EHMT1: variants seen among roughly 807,000 people sequenced by gnomAD.
EHMT1 encodes histone-lysine N-methyltransferase EHMT1.
EHMT1 carries 15 observed loss-of-function variants against 147.2 expected under a neutral mutation model. The observed-to-expected ratio is 0.10, with a 90% CI of 0.07 to 0.16. The LOEUF is 0.16. EHMT1 is among the 10% of genes least tolerant of loss of function. The pLI, the probability that EHMT1 is intolerant of heterozygous loss-of-function variation, is 1.00. For missense variants in EHMT1, 1,587 were observed against 1,772.4 expected, an observed-to-expected ratio of 0.90 and a Z score of 1.88; for synonymous variants, 795 against 709.6, an observed-to-expected ratio of 1.12 and a Z score of -1.91.
intron 25 of EHMT1, among the ~76,000 whole-genome samples, chr9:137,831,505 A>T (rs537143589): frequency 4.6e-5 from 7 of 152,234 alleles, no homozygotes; most frequent in Non-Finnish European, 1.0e-4. Context: ...GATTCTGTTC[A>T]TCCACCCAGT....
intron 6 of EHMT1, among the ~76,000 whole-genome samples, chr9:137,750,728 T>C (rs926332282): frequency 2.6e-5 from 4 of 151,882 alleles, no homozygotes; most frequent in African/African-American, 7.3e-5. Context: ...CTGTGCACAG[T>C]GGGGGACACC....
At chr9:137,688,182 C>G (rs759261701) in intron 1 of EHMT1, among the ~76,000 whole-genome samples, 1 of 152,120 alleles carries the variant, frequency 6.6e-6, no homozygotes, top group Non-Finnish European at 1.5e-5. Context: ...CGCCACCACG[C>G]CTGGCTAATT....
At chr9:137,823,244 GC>G (rs1213040454) in intron 25 of EHMT1, among the ~76,000 whole-genome samples, 1 of 151,318 alleles carries the variant, frequency 6.6e-6, no homozygotes, top group African/African-American at 2.4e-5. Flanking sequence ...GACTACAGGC[GC>G]CCACCACCAC....
intron 2 of EHMT1, among the ~76,000 whole-genome samples, chr9:137,713,572 C>A (rs905721984): frequency 6.6e-6 from 1 of 151,668 alleles, no homozygotes; most frequent in African/African-American, 2.4e-5. Context: ...TGCCTGGCCC[C>A]TAAGTATTAT....
intron 16 of EHMT1, among the ~76,000 whole-genome samples, chr9:137,796,033 T>A (rs1232793314): frequency 6.6e-6 from 1 of 152,224 alleles, no homozygotes. Context: ...GCAGACTCGC[T>A]CTCATCCTAA....
intron 1 of EHMT1, among the ~76,000 whole-genome samples, chr9:137,625,057 TTTTCGGTAGAGATGGGG>T (rs1255813782): frequency 6.6e-6 from 1 of 151,766 alleles, no homozygotes; most frequent in Admixed American, 6.6e-5. Flanking sequence ...AATTTTTGTA[TTTTCGGTAGAGATGGGG>T]TTTCGCCATA....
chr9:137,808,498 G>T (rs965139276), intron 18 of EHMT1, among the ~76,000 whole-genome samples: 6 of 152,134 alleles, frequency 3.9e-5, no homozygotes, highest in Non-Finnish European at 8.8e-5. Context: ...AGGTGGGAAG[G>T]TAAACCTGTT....
At chr9:137,745,372 A>T (rs1254471282) in intron 6 of EHMT1, 1 of 393,246 alleles carries the variant, frequency 2.5e-6, no homozygotes, top group Admixed American at 4.4e-5. Context: ...TAGCTTGATT[A>T]TTTAAAAATT....
chr9:137,634,011 C>T (rs949393609), intron 1 of EHMT1, among the ~76,000 whole-genome samples: 14 of 152,188 alleles, frequency 9.2e-5, no homozygotes, highest in South Asian at 2.1e-4. Flanking sequence ...CAGGGTTTCA[C>T]CATGTTGTTC....
intron 1 of EHMT1, among the ~76,000 whole-genome samples, chr9:137,692,305 T>A (rs1378818599): frequency 2.7e-5 from 4 of 149,562 alleles, no homozygotes; most frequent in Non-Finnish European, 5.9e-5. Context: ...CACTCTGTTG[T>A]CCAGGCTGGA....
At chr9:137,824,699 C>A (rs74883427) in intron 25 of EHMT1, among the ~76,000 whole-genome samples, 1 of 152,048 alleles carries the variant, frequency 6.6e-6, no homozygotes, top group Non-Finnish European at 1.5e-5. Context: ...GTAGATCTTA[C>A]ACTGTGTTTT....
intron 1 of EHMT1, among the ~76,000 whole-genome samples, chr9:137,636,646 C>T (rs955060873): frequency 6.6e-6 from 1 of 152,064 alleles, no homozygotes; most frequent in Non-Finnish European, 1.5e-5. Context: ...TATCTGTTGA[C>T]ATGATTATGT....
chr9:137,754,964 G>A (rs1278766411), intron 8 of EHMT1, among the ~76,000 whole-genome samples: 2 of 152,180 alleles, frequency 1.3e-5, no homozygotes, highest in African/African-American at 4.8e-5. Context: ...AGAGTCCCCT[G>A]TTCCAGAGGA....
chr9:137,657,785 C>G (rs1938625879), intron 1 of EHMT1, among the ~76,000 whole-genome samples: 2 of 151,836 alleles, frequency 1.3e-5, no homozygotes, highest in Admixed American at 6.6e-5. Context: ...GCCCATGAAC[C>G]ATTTCTACCC....
At position 137,716,767 on chromosome 9, in the gene EHMT1, G is replaced by T. The variant is rs769936031; in HGVS notation, c.227G>T (p.Ser76Ile). 1 of 1,612,934 alleles carries T rather than the reference G, an allele frequency of 6.2e-7. No individual in the cohort carries two copies. Among genetic ancestry groups the T allele is most frequent in the African/African-American group, 1.3e-5 (1 of 74,870 alleles). Residue 76 changes from serine (S) to isoleucine (I), a missense_variant, in exon 3 of 27, where the codon AGC (serine) becomes ATC (isoleucine). Transcript: ENST00000460843. ...AATGCTGCAAAGCACACTCAGGACA[G>T]CGCAAGGGTCAACCCCCAGGATGGC... The part of the protein sequence containing the change: ...HANAAKHTQD[S>I]ARVNPQDGTN...
intron 25 of EHMT1, among the ~76,000 whole-genome samples, chr9:137,820,476 G>C (rs1789173193): frequency 6.6e-6 from 1 of 152,238 alleles, no homozygotes; most frequent in Non-Finnish European, 1.5e-5. Flanking sequence ...TGATGTCTAG[G>C]AGTGAACAGA....
intron 16 of EHMT1, among the ~76,000 whole-genome samples, chr9:137,796,658 C>T (rs1440408313): frequency 1.4e-5 from 2 of 140,304 alleles, no homozygotes; most frequent in African/African-American, 2.6e-5. Context: ...GAGCTGAGAT[C>T]GCACCGCTGC....
In EHMT1 at chr9:137,829,981, A is replaced by G. The variant is rs568579605; in HGVS notation, c.3541-4368A>G. On this transcript the variant is annotated intron_variant, in intron 25 of 26. Transcript: ENST00000460843. Reference sequence around the variant, plus strand: ...TACTCCTCAGAGAAAGGCAAGATCAATGCTTTATTCTTACCATTTAGTTAT... The same window carrying G: ...TACTCCTCAGAGAAAGGCAAGATCAGTGCTTTATTCTTACCATTTAGTTAT... Among the ~76,000 whole-genome samples, 6 of 152,352 alleles carry G rather than the reference A, an allele frequency of 3.9e-5. No individual in the cohort carries two copies. The East Asian group carries it at 1.2e-3, about 29-fold the overall frequency.
At chr9:137,682,533 T>C (rs1564581876) in intron 1 of EHMT1, among the ~76,000 whole-genome samples, 1 of 152,202 alleles carries the variant, frequency 6.6e-6, no homozygotes, top group Non-Finnish European at 1.5e-5. Flanking sequence ...TGCAGGGCTG[T>C]GCTAGAGTTT....
Sources: gnomAD v4.1 joint callset for allele counts (sites outside exome capture counted in the v4.1 genomes callset) on GRCh38, gnomAD v4.1.1 for gene constraint, MANE v1.5 for transcripts, NCBI Gene and HGNC (gene_info 2026-07-23, HGNC 2026-07-21) for gene names.